WDR59: variants seen among roughly 807,000 people sequenced by gnomAD.
The protein encoded by WDR59 is WD repeat domain 59.
A neutral mutation model predicts 131.2 loss-of-function variants in WDR59; 100 were observed. The observed-to-expected ratio is 0.76, with a 90% CI of 0.65 to 0.90. The LOEUF (loss-of-function observed/expected upper bound fraction) is 0.90. Ranked by LOEUF, WDR59 falls within the 40% of genes least tolerant of loss-of-function variation. The probability of loss-of-function intolerance (pLI) is 0.00; values close to 1 mark genes in which losing one functional copy is unlikely to be tolerated. For synonymous variants in WDR59, 601 were observed against 466.2 expected, an observed-to-expected ratio of 1.29 and a Z score of -3.72; for missense variants, 1,203 against 1,262.2, an observed-to-expected ratio of 0.95 and a Z score of 0.71.
chr16:74,979,571 G>A (rs112941794), intron 1 of WDR59, among the ~76,000 whole-genome samples: 9 of 151,438 alleles, frequency 5.9e-5, no homozygotes, highest in South Asian at 2.1e-4. Flanking sequence ...ATGGAGTCTC[G>A]CTCTTGTCAC....
chr16:74,981,629 TATATATATATATATATATATATA>T (rs1567450489), intron 1 of WDR59, among the ~76,000 whole-genome samples: 3 of 2,648 alleles, frequency 1.1e-3, no homozygotes, highest in Non-Finnish European at 2.5e-3. Context: ...TATATATATA[TATATATATATATATATATATATA>T]TATATATATT....
chr16:74,984,617 C>A (rs945928651), intron 1 of WDR59: 13 of 326,910 alleles, frequency 4.0e-5, no homozygotes, highest in African/African-American at 2.7e-4. Context: ...AGTCGCCACA[C>A]GCGGCTAGGG....
chr16:74,975,092 G>A (rs1391486184), intron 1 of WDR59, among the ~76,000 whole-genome samples: 2 of 152,234 alleles, frequency 1.3e-5, no homozygotes, highest in East Asian at 1.9e-4. Flanking sequence ...CGGGCGCAGA[G>A]GCTCACACCT....
chr16:74,915,996 T>G lies in WDR59; in HGVS notation c.1100-2A>C. On this transcript the variant is annotated splice_acceptor_variant, in intron 12 of 25. Transcript: ENST00000262144. LOFTEE classifies it high-confidence loss of function. ...TTCTAGGGGGATCTTCTTTTAGGGC[T>G]AGCAGGAGAGAGAAGTTCAATGTTG... 6.2e-7 allele frequency: 1 copy of G among 1,614,180 alleles called. No homozygotes were observed. Among genetic ancestry groups the G allele is most frequent in the East Asian group, 2.2e-5 (1 of 44,886 alleles).
In WDR59 at chr16:74,976,632, A is replaced by G. The variant is rs543855424; in HGVS notation, c.54+8332T>C. 3.4e-3 allele frequency among the ~76,000 whole-genome samples: 522 copies of G among 152,096 alleles called. 8 individuals carry two copies. In the South Asian group the frequency reaches 0.035, roughly 10 times the overall value. ...AATTTTCTGTATTTTTAGTAGAGACAGGGTTTCACTGTGTTAGCCAGGATG... is the reference window on the plus strand; with the variant it reads ...AATTTTCTGTATTTTTAGTAGAGACGGGGTTTCACTGTGTTAGCCAGGATG... On this transcript the variant is annotated intron_variant, in intron 1 of 25. Transcript: ENST00000262144.
chr16:74,884,666 G>A (rs72798608), intron 25 of WDR59, among the ~76,000 whole-genome samples: 22,891 of 152,094 alleles, frequency 0.15, 1,872 homozygotes, highest in Middle Eastern at 0.21. Flanking sequence ...ATTCTTTACC[G>A]CAACTTACAA....
At chr16:74,880,242 T>C (rs1378915084) in intron 25 of WDR59, among the ~76,000 whole-genome samples, 1 of 151,970 alleles carries the variant, frequency 6.6e-6, no homozygotes, top group Non-Finnish European at 1.5e-5. Context: ...GGTCAGGAGA[T>C]CGAGACCATC....
intron 17 of WDR59, 128 bp from the exon 18 acceptor site, chr16:74,904,228 G>T: frequency 8.3e-7 from 1 of 1,198,344 alleles, no homozygotes. Context: ...AGAAAAAGAA[G>T]TCAATAAAAC....
intron 14 of WDR59, among the ~76,000 whole-genome samples, chr16:74,910,939 C>T (rs1476773037): frequency 6.6e-6 from 1 of 152,188 alleles, no homozygotes; most frequent in Non-Finnish European, 1.5e-5. Context: ...TCTTGGCTCA[C>T]TACAACCCCC....
rs1260245685 is a variant in WDR59, at chr16:74,873,642, G to A, written c.*567C>T. The A allele has an allele frequency of 1.3e-5, 2 of 150,588 alleles. No homozygotes were observed. Among genetic ancestry groups the A allele is most frequent in the African/African-American group, 4.9e-5 (2 of 40,914 alleles). The allele number at this position is 150,588 out of a possible 1,614,324, so 9.3% of individuals were successfully genotyped here. The stretch of plus-strand genomic sequence containing the variant: ...TATTAGCCAAGGGATAGCAGCTGGA[G>A]GAGAAATAACAAAAAAATACATCTT... On this transcript the variant is annotated 3_prime_UTR_variant, in exon 26 of 26. Transcript: ENST00000262144.
chr16:74,916,141 T>A lies in WDR59; in HGVS notation c.1085A>T (p.His362Leu), dbSNP rs762095997. The A allele has an allele frequency of 1.2e-6, 2 of 1,614,210 alleles. No individual in the cohort carries two copies. Among genetic ancestry groups the A allele is most frequent in the Non-Finnish European group, 1.7e-6 (2 of 1,180,028 alleles). Residue 362 changes from histidine (H) to leucine (L), a missense_variant, in exon 12 of 26, where the codon CAT becomes CTT. Coordinates refer to ENST00000262144, the MANE Select transcript of WDR59 (RefSeq NM_030581.4). ...TGACAAATTACCTTCTTCCTCCCCATGGCTTGCAGTGTGCTGGTGATCTGT... is the reference window on the plus strand; with the variant it reads ...TGACAAATTACCTTCTTCCTCCCCAAGGCTTGCAGTGTGCTGGTGATCTGT... ...EDTDHQHTAS[H>L]GEEEALKEDP...
chr16:74,979,463 C>T (rs2034313372), intron 1 of WDR59, among the ~76,000 whole-genome samples: 2 of 26,380 alleles, frequency 7.6e-5, no homozygotes, highest in South Asian at 7.0e-3. Context: ...GAGACTCTGT[C>T]TCAAAACAAA....
chr16:74,910,152 G>A (rs907205763), intron 14 of WDR59, among the ~76,000 whole-genome samples: 18 of 151,932 alleles, frequency 1.2e-4, no homozygotes, highest in Non-Finnish European at 2.4e-4. Flanking sequence ...ATTTTTAGTA[G>A]AGAAGGGGTT....
intron 17 of WDR59, among the ~76,000 whole-genome samples, chr16:74,907,684 C>A (rs1443912945): frequency 6.6e-6 from 1 of 152,172 alleles, no homozygotes; most frequent in Non-Finnish European, 1.5e-5. Flanking sequence ...GGGAGGTTTG[C>A]AACTTATTAT....
intron 11 of WDR59, among the ~76,000 whole-genome samples, chr16:74,916,798 G>A (rs1010868113): frequency 1.3e-5 from 2 of 151,128 alleles, no homozygotes; most frequent in African/African-American, 4.9e-5. Context: ...GGCAGAGGTT[G>A]CAGTGAGCAA....
In WDR59 at chr16:74,982,472, T is replaced by C. The variant is rs774514022; in HGVS notation, c.54+2492A>G. On this transcript the variant is annotated intron_variant, in intron 1 of 25. Transcript: ENST00000262144. Reference sequence around the variant, plus strand: ...TTGCTACGACTTCATAGCATCCTAATATATGTGTCAGCACCCTCTCTGCAG... The same window carrying C: ...TTGCTACGACTTCATAGCATCCTAACATATGTGTCAGCACCCTCTCTGCAG... Among the ~76,000 whole-genome samples the C allele has an allele frequency of 1.8e-4, 28 of 152,226 alleles. 1 individual carries two copies. Among genetic ancestry groups the C allele is most frequent in the Non-Finnish European group, 3.8e-4 (26 of 68,034 alleles).
intron 9 of WDR59, among the ~76,000 whole-genome samples, chr16:74,923,236 C>T (rs1359224480): frequency 6.6e-6 from 1 of 152,122 alleles, no homozygotes; most frequent in Non-Finnish European, 1.5e-5. Flanking sequence ...AATGGCTTGC[C>T]CAAGGCCATA....
At chr16:74,949,611 G>C in intron 5 of WDR59, 107 bp downstream of exon 5, 1 of 883,834 alleles carries the variant, frequency 1.1e-6, no homozygotes. Context: ...ACTCAAACTT[G>C]TCTCGAGGTC....
intron 17 of WDR59, among the ~76,000 whole-genome samples, chr16:74,906,320 A>AAAAAAAAAAAAAAAC (rs765077670): frequency 2.9e-5 from 4 of 136,280 alleles, no homozygotes; most frequent in South Asian, 2.4e-4. Context: ...TCTCAAAAAA[A>AAAAAAAAAAAAAAAC]AAAAAACCCA....
Sources: gnomAD v4.1 joint callset for allele counts (sites outside exome capture counted in the v4.1 genomes callset) on GRCh38, gnomAD v4.1.1 for gene constraint, MANE v1.5 for transcripts, NCBI Gene and HGNC (gene_info 2026-07-23, HGNC 2026-07-21) for gene names.